ERC2: variants seen among roughly 807,000 people sequenced by gnomAD.
The protein encoded by ERC2 is ELKS/RAB6-interacting/CAST family member 2, also known as ERC protein 2.
Under a neutral mutation model 114.8 loss-of-function variants are expected in ERC2, and 42 were observed. The observed-to-expected ratio is 0.37, with a 90% CI of 0.29 to 0.47. ERC2 has a LOEUF of 0.47. Ranked by LOEUF, ERC2 falls within the 20% of genes least tolerant of loss-of-function variation. ERC2 has a pLI of 0.99. For missense variants in ERC2, 939 were observed against 1,150.7 expected (o/e 0.82, Z 2.66); for synonymous variants, 454 against 425.5 (o/e 1.07, Z -0.82).
intron 6 of ERC2, among the ~76,000 whole-genome samples, chr3:56,123,093 C>A (rs73091260): frequency 6.6e-6 from 1 of 152,082 alleles, no homozygotes; most frequent in Non-Finnish European, 1.5e-5. Context: ...AATTTGTCCT[C>A]GATTCCTCTC....
rs768690381 is a variant in ERC2, at chr3:55,950,490, C to A, written c.2338G>T (p.Ala780Ser). The part of the protein sequence containing the change: ...HNQQLEKKKN[A>S]QLLEEVRRRE... ...CTGCGCACTTCTTCTAGTAACTGAG[C>A]ATTTTTCTTCTTTTCCAACTGTTGA... Residue 780 changes from alanine (A) to serine (S), a missense_variant, in exon 13 of 18, where the codon GCT (alanine) becomes TCT (serine). Physicochemically the swap from Ala to Ser is moderately conservative, Grantham distance 99. Transcript: ENST00000288221. 6.2e-7 allele frequency: 1 copy of A among 1,614,036 alleles called. No individual in the cohort carries two copies. The highest frequency in any genetic ancestry group is 8.5e-7 in the Non-Finnish European group (1 of 1,179,900).
At chr3:55,653,081 A>G (rs2060706878) in intron 17 of ERC2, among the ~76,000 whole-genome samples, 1 of 152,152 alleles carries the variant, frequency 6.6e-6, no homozygotes, top group Admixed American at 6.5e-5. Flanking sequence ...GGACACACAC[A>G]AGCCTCAAAC....
intron 3 of ERC2, among the ~76,000 whole-genome samples, chr3:56,174,395 A>G (rs1257407950): frequency 6.6e-6 from 1 of 152,174 alleles, no homozygotes; most frequent in East Asian, 1.9e-4. Flanking sequence ...GTTTTAGGAG[A>G]GTGAGCAATG....
At chr3:55,891,819 C>A (rs1472394210) in intron 13 of ERC2, among the ~76,000 whole-genome samples, 1 of 152,168 alleles carries the variant, frequency 6.6e-6, no homozygotes, top group Non-Finnish European at 1.5e-5. Context: ...GCTTGTTATT[C>A]TTGCGGTCCC....
intron 3 of ERC2, among the ~76,000 whole-genome samples, chr3:56,277,923 G>A (rs903399569): frequency 6.6e-6 from 1 of 152,112 alleles, no homozygotes; most frequent in South Asian, 2.1e-4. Flanking sequence ...AGAGTAGCCC[G>A]AGGATTGGGA....
intron 2 of ERC2, among the ~76,000 whole-genome samples, chr3:56,380,164 T>A (rs1448550747): frequency 6.6e-6 from 1 of 152,144 alleles, no homozygotes; most frequent in Non-Finnish European, 1.5e-5. Flanking sequence ...AATCTGAGTG[T>A]TTCATATACA....
intron 4 of ERC2, among the ~76,000 whole-genome samples, chr3:56,171,164 G>A (rs923601629): frequency 1.3e-5 from 2 of 152,102 alleles, no homozygotes; most frequent in Non-Finnish European, 2.9e-5. Flanking sequence ...CACTCACTAG[G>A]CTTAAGGGTC....
chr3:56,027,388 A>G (rs1458883387), intron 7 of ERC2, among the ~76,000 whole-genome samples: 1 of 152,210 alleles, frequency 6.6e-6, no homozygotes, highest in Admixed American at 6.5e-5. Flanking sequence ...TATATAAGAT[A>G]CTACTGCACT....
intron 3 of ERC2, among the ~76,000 whole-genome samples, chr3:56,192,817 G>A (rs2047873908): frequency 6.6e-6 from 1 of 152,152 alleles, no homozygotes; most frequent in South Asian, 2.1e-4. Flanking sequence ...ATGGGGAACT[G>A]AAGATCTTTA....
At chr3:55,746,292 G>C (rs1374483242) in intron 14 of ERC2, among the ~76,000 whole-genome samples, 3 of 151,830 alleles carry the variant, frequency 2.0e-5, no homozygotes, top group African/African-American at 7.3e-5. Flanking sequence ...GGAGTGCAGT[G>C]GCATCATCTC....
intron 3 of ERC2, among the ~76,000 whole-genome samples, chr3:56,264,741 TA>T (rs1285459558): frequency 6.8e-6 from 1 of 147,470 alleles, no homozygotes; most frequent in African/African-American, 2.5e-5. Context: ...GTTAAAATAA[TA>T]GATGAATTCA....
At chr3:56,229,273 A>G (rs1358462492) in intron 3 of ERC2, among the ~76,000 whole-genome samples, 1 of 152,180 alleles carries the variant, frequency 6.6e-6, no homozygotes, top group African/African-American at 2.4e-5. Context: ...TATAAACTCC[A>G]TGAGGGCAAG....
intron 7 of ERC2, among the ~76,000 whole-genome samples, chr3:56,039,807 A>G (rs1484183460): frequency 6.6e-6 from 1 of 152,218 alleles, no homozygotes; most frequent in Non-Finnish European, 1.5e-5. Context: ...ATACAGATCA[A>G]TGGAACTGAA....
At chr3:55,688,054 T>C (rs191622561) in intron 16 of ERC2, among the ~76,000 whole-genome samples, 10 of 152,310 alleles carry the variant, frequency 6.6e-5, no homozygotes, top group African/African-American at 2.4e-4. Context: ...GTTCAGGTGA[T>C]GGGGTCAGGT....
intron 2 of ERC2, among the ~76,000 whole-genome samples, chr3:56,433,191 AAAGAGAGAGAG>A (rs2061868099): frequency 2.7e-4 from 6 of 22,210 alleles, no homozygotes; most frequent in Admixed American, 7.7e-4. Flanking sequence ...AAAAAAAAAA[AAAGAGAGAGAG>A]AGAGAGAGAG....
intron 13 of ERC2, among the ~76,000 whole-genome samples, chr3:55,948,690 T>G (rs559544118): frequency 6.6e-6 from 1 of 152,198 alleles, no homozygotes; most frequent in Non-Finnish European, 1.5e-5. Context: ...ATGAAAATAT[T>G]GCTATACAAA....
chr3:56,345,257 T>C (rs569510431), intron 2 of ERC2, among the ~76,000 whole-genome samples: 1 of 152,298 alleles, frequency 6.6e-6, no homozygotes, highest in East Asian at 1.9e-4. Flanking sequence ...ATGTGTTTTG[T>C]TCAATCATTC....
At chr3:55,779,178 T>A (rs897317067) in intron 14 of ERC2, among the ~76,000 whole-genome samples, 2 of 152,012 alleles carry the variant, frequency 1.3e-5, no homozygotes, top group Non-Finnish European at 2.9e-5. Context: ...TGTTTTTGGC[T>A]GCTTAAAAAG....
intron 2 of ERC2, among the ~76,000 whole-genome samples, chr3:56,431,308 C>T (rs2061779192): frequency 1.3e-5 from 2 of 152,176 alleles, no homozygotes; most frequent in South Asian, 4.1e-4. Flanking sequence ...TGTCTCTCCT[C>T]CCTTTCCTGG....
Sources: allele counts gnomAD v4.1 joint callset (sites outside exome capture counted in the v4.1 genomes callset), GRCh38; gene constraint gnomAD v4.1.1; transcripts MANE v1.5; gene names NCBI Gene and HGNC (gene_info 2026-07-23, HGNC 2026-07-21).